The following LAMA2 variants were observed in gnomAD, a reference collection of about 807,000 sequenced individuals.
The protein encoded by LAMA2 is laminin subunit alpha 2, also known as laminin subunit alpha-2.
A neutral mutation model predicts 364.8 loss-of-function variants in LAMA2; 269 were observed. The observed-to-expected ratio is 0.74, with a 90% CI of 0.67 to 0.82. LAMA2 has a LOEUF of 0.82. Among genes scored for constraint, LAMA2 ranks in the 40% least tolerant of loss-of-function variants. The pLI is 0.00. For synonymous variants in LAMA2, 1,379 were observed against 1,370.6 expected, an observed-to-expected ratio of 1.01 and a Z score of -0.14; for missense variants, 3,807 against 3,873.2, an observed-to-expected ratio of 0.98 and a Z score of 0.45.
At chr6:129,491,734 G>A (rs895079105) in intron 56 of LAMA2, among the ~76,000 whole-genome samples, 167 bp from the exon 57 acceptor site, 1 of 152,196 alleles carries the variant, frequency 6.6e-6, no homozygotes, top group Admixed American at 6.5e-5. Flanking sequence ...GTCATGGAAC[G>A]AGATCCTGAG....
At chr6:129,118,651 T>C (rs749851261) in intron 4 of LAMA2, among the ~76,000 whole-genome samples, 5 of 152,244 alleles carry the variant, frequency 3.3e-5, no homozygotes, top group Non-Finnish European at 5.9e-5. Context: ...ATGAACCTGA[T>C]ATAAATCTCT....
At chr6:129,048,844 A>G (rs1405523078) in intron 1 of LAMA2, among the ~76,000 whole-genome samples, 1 of 151,860 alleles carries the variant, frequency 6.6e-6, no homozygotes, top group Non-Finnish European at 1.5e-5. Flanking sequence ...TGAACTCCTG[A>G]CCTCAAGTGA....
chr6:128,975,604 G>A (rs572623030), intron 1 of LAMA2, among the ~76,000 whole-genome samples: 1 of 152,276 alleles, frequency 6.6e-6, no homozygotes, highest in East Asian at 1.9e-4. Flanking sequence ...CAAGGGTCAT[G>A]GGAGGGACCT....
In LAMA2 at chr6:128,980,246, C is replaced by T. The variant is rs1214853579; in HGVS notation, c.113-69672C>T. Among the ~76,000 whole-genome samples, 18 of 152,306 alleles carry T rather than the reference C, an allele frequency of 1.2e-4. No homozygotes were observed. In the South Asian group the frequency reaches 3.7e-3, roughly 32 times the overall value. On this transcript the variant is annotated intron_variant, in intron 1 of 64. Transcript: ENST00000421865. ...TCTATATCAATATCACACACACTAA[C>T]ACTTGGTGTGCATTTTAGAATATCT... is the stretch of plus-strand genomic sequence containing the variant.
At chr6:128,984,553 C>T (rs1000510634) in intron 1 of LAMA2, among the ~76,000 whole-genome samples, 1 of 152,064 alleles carries the variant, frequency 6.6e-6, no homozygotes, top group Non-Finnish European at 1.5e-5. Flanking sequence ...AAAAGAAAGT[C>T]GTGTCTTACC....
chr6:129,294,134 G>A (rs1789916985), intron 20 of LAMA2, among the ~76,000 whole-genome samples: 1 of 152,106 alleles, frequency 6.6e-6, no homozygotes, highest in Admixed American at 6.5e-5. Flanking sequence ...AGAAAGACTG[G>A]GTAGGAAAAG....
At position 129,478,514 on chromosome 6, in the gene LAMA2, A is replaced by T. The variant is rs931128822; in HGVS notation, c.7452-179A>T. ...ACTCCTTCTGCAGGATAACATGAAC[A>T]TCCATTTAGACCAACCAGTAGACAA... On this transcript the variant is annotated intron_variant, in intron 53 of 64. Coordinates refer to ENST00000421865, the MANE Select transcript of LAMA2 (RefSeq NM_000426.4). Among the ~76,000 whole-genome samples the T allele has an allele frequency of 2.0e-5, 3 of 152,206 alleles. No individual in the cohort carries two copies. The South Asian group carries it at 6.2e-4, about 31-fold the overall frequency.
At chr6:129,093,191 A>G (rs1178197486) in intron 3 of LAMA2, among the ~76,000 whole-genome samples, 1 of 150,232 alleles carries the variant, frequency 6.7e-6, no homozygotes, top group Admixed American at 6.7e-5. Flanking sequence ...GAGTTTCACC[A>G]TATTGGCCAG....
chr6:129,163,224 C>T (rs1204549897), intron 8 of LAMA2, among the ~76,000 whole-genome samples: 1 of 152,046 alleles, frequency 6.6e-6, no homozygotes, highest in African/African-American at 2.4e-5. Flanking sequence ...GTATCTGAGG[C>T]AGTGCTAAGT....
chr6:128,988,667 T>C (rs1287653319), intron 1 of LAMA2, among the ~76,000 whole-genome samples: 2 of 152,218 alleles, frequency 1.3e-5, no homozygotes, highest in Admixed American at 1.3e-4. Context: ...TTTTTTAACT[T>C]TGAGTTTTAA....
At chr6:129,391,701 A>C in intron 36 of LAMA2, 48 bp downstream of exon 36, 1 of 1,537,130 alleles carries the variant, frequency 6.5e-7, no homozygotes, top group East Asian at 2.3e-5. Flanking sequence ...TGAGATTTCC[A>C]GATAATTTAC....
At chr6:129,510,668 G>A (rs1432806350) in intron 62 of LAMA2, among the ~76,000 whole-genome samples, 1 of 152,008 alleles carries the variant, frequency 6.6e-6, no homozygotes. Flanking sequence ...GCACAGTTCT[G>A]TAGATACTTA....
intron 43 of LAMA2, among the ~76,000 whole-genome samples, chr6:129,441,776 C>T (rs1379705706): frequency 6.6e-6 from 1 of 151,988 alleles, no homozygotes; most frequent in East Asian, 1.9e-4. Flanking sequence ...CCTAGGAATT[C>T]GAGACCAGCC....
At chr6:129,144,753 A>G in intron 5 of LAMA2, among the ~76,000 whole-genome samples, 1 of 152,038 alleles carries the variant, frequency 6.6e-6, no homozygotes, top group African/African-American at 2.4e-5. Flanking sequence ...CTGATTCTAC[A>G]TACTGTTTTA....
At chr6:129,144,430 T>C (rs933406231) in intron 5 of LAMA2, among the ~76,000 whole-genome samples, 1 of 152,034 alleles carries the variant, frequency 6.6e-6, no homozygotes, top group Non-Finnish European at 1.5e-5. Context: ...ACTACTATTA[T>C]AATTGGCTTT....
chr6:129,145,715 A>G (rs1176910201), intron 5 of LAMA2, among the ~76,000 whole-genome samples: 4 of 151,944 alleles, frequency 2.6e-5, no homozygotes, highest in South Asian at 2.1e-4. Flanking sequence ...CAACATATAA[A>G]TATGTTTTTT....
intron 1 of LAMA2, among the ~76,000 whole-genome samples, chr6:128,971,169 A>G (rs1435742386): frequency 6.6e-6 from 1 of 152,212 alleles, no homozygotes; most frequent in Non-Finnish European, 1.5e-5. Context: ...TTATTTTCTT[A>G]CATAGTGAAA....
intron 3 of LAMA2, among the ~76,000 whole-genome samples, chr6:129,092,324 C>T (rs974474510): frequency 2.6e-5 from 4 of 152,108 alleles, no homozygotes; most frequent in Admixed American, 6.6e-5. Context: ...AGAGACATTA[C>T]CTGCAGTTCT....
At chr6:129,062,547 G>A (rs1582968333) in intron 3 of LAMA2, among the ~76,000 whole-genome samples, 2 of 152,042 alleles carry the variant, frequency 1.3e-5, no homozygotes, top group Admixed American at 6.6e-5. Context: ...TATAAAGCAG[G>A]GGACTAGAAC....
Sources: allele counts gnomAD v4.1 joint callset (sites outside exome capture counted in the v4.1 genomes callset), GRCh38; gene constraint gnomAD v4.1.1; transcripts MANE v1.5; gene names NCBI Gene and HGNC (gene_info 2026-07-23, HGNC 2026-07-21).